Variants in FRYL observed in about 807,000 individuals in gnomAD.
The protein encoded by FRYL is protein furry homolog-like.
FRYL carries 150 observed loss-of-function variants against 351.2 expected under a neutral mutation model. The observed-to-expected ratio is 0.43, with a 90% confidence interval of 0.37 to 0.49. FRYL has a LOEUF of 0.49. FRYL is among the 20% of genes least tolerant of loss of function. The probability of loss-of-function intolerance (pLI) is 0.00; values close to 1 mark genes in which losing one functional copy is unlikely to be tolerated. For missense variants in FRYL, 3,036 were observed against 3,619.3 expected (o/e 0.84, Z 4.13); for synonymous variants, 1,153 against 1,257.1 (o/e 0.92, Z 1.75).
At chr4:48,528,370 A>G (rs767727318) in intron 50 of FRYL, 34 bp from the exon 51 acceptor site, 18 of 1,554,756 alleles carry the variant, frequency 1.2e-5, no homozygotes, top group Admixed American at 1.9e-5. Context: ...GTTTGGCTCA[A>G]ATATTTCAAC....
rs771790978 is a variant in FRYL at position 48,512,627 on chromosome 4, A to G, written c.7999T>C (p.Phe2667Leu). 6.2e-7 allele frequency: 1 copy of G among 1,614,078 alleles called. No homozygotes were observed. Among genetic ancestry groups the G allele is most frequent in the Non-Finnish European group, 8.5e-7 (1 of 1,179,956 alleles). ...EVQTSPLPSP[F>L]LSAIIAAFQP... is the part of the protein sequence containing the mutation. ...AAGGCGGCTATGATGGCAGAAAGAA[A>G]TGGTGACGGCAGAGGCGACGTCTGT... The change falls in exon 57 of 64, where the codon TTT becomes CTT. Residue 2667 changes from phenylalanine (F) to leucine (L), a missense_variant. Phe to Leu is a conservative substitution (Grantham distance 22, BLOSUM62 0). This residue lies in a region of FRYL where 1,987 missense variants were observed against 2,311.7 expected (regional missense o/e 0.86). Transcript: ENST00000358350.
intron 1 of FRYL, among the ~76,000 whole-genome samples, chr4:48,713,276 CATTTAA>C (rs1272826972): frequency 1.3e-5 from 2 of 151,050 alleles, no homozygotes; most frequent in Non-Finnish European, 3.0e-5. Flanking sequence ...TAATAAAGTC[CATTTAA>C]ATGTAAATGG....
chr4:48,509,424 G>A (rs1722015560), intron 59 of FRYL, among the ~76,000 whole-genome samples: 1 of 152,082 alleles, frequency 6.6e-6, no homozygotes, highest in Non-Finnish European at 1.5e-5. Context: ...ATTTTTCATA[G>A]GTCTATACAT....
chr4:48,527,065 AGTATAT>A (rs1304405868), intron 53 of FRYL, among the ~76,000 whole-genome samples: 1 of 152,186 alleles, frequency 6.6e-6, no homozygotes, highest in Non-Finnish European at 1.5e-5. Context: ...GTATATGAGT[AGTATAT>A]GTATATGTAC....
intron 23 of FRYL, among the ~76,000 whole-genome samples, chr4:48,577,763 C>A (rs1739941637): frequency 6.6e-6 from 1 of 151,822 alleles, no homozygotes; most frequent in Non-Finnish European, 1.5e-5. Flanking sequence ...ATAATCCCAG[C>A]ACTTTGGGAG....
At chr4:48,719,456 AGAT>A (rs1769223842) in intron 1 of FRYL, among the ~76,000 whole-genome samples, 1 of 151,810 alleles carries the variant, frequency 6.6e-6, no homozygotes, top group East Asian at 1.9e-4. Context: ...TGCTATATAA[AGAT>A]GACAAACCAT....
rs1465922150 is a variant in FRYL at position 48,562,661 on chromosome 4, A to C, written c.3696+228T>G. 2.6e-5 allele frequency among the ~76,000 whole-genome samples: 4 copies of C among 152,178 alleles called. No homozygotes were observed. The East Asian group carries it at 7.7e-4, about 29-fold the overall frequency. On this transcript the variant is annotated intron_variant, in intron 32 of 63. Transcript: ENST00000358350. ...ATACACATACACACACATTATCATA[A>C]ATAATCCTTCTACAATACACTTAGG...
At chr4:48,727,021 C>A (rs181837831) in intron 1 of FRYL, among the ~76,000 whole-genome samples, 7 of 151,932 alleles carry the variant, frequency 4.6e-5, no homozygotes, top group Admixed American at 1.3e-4. Flanking sequence ...GAAAAACATA[C>A]AACTATGACA....
intron 56 of FRYL, among the ~76,000 whole-genome samples, chr4:48,514,406 T>C (rs1723122422): frequency 6.6e-6 from 1 of 152,146 alleles, no homozygotes; most frequent in Admixed American, 6.5e-5. Context: ...GCCACCAAAA[T>C]TTCCCCTAAA....
chr4:48,610,678 T>TTATATATTATATACATATATTATATACA (rs1406221862), intron 7 of FRYL, among the ~76,000 whole-genome samples: 15 of 146,086 alleles, frequency 1.0e-4, no homozygotes, highest in Non-Finnish European at 2.1e-4. Context: ...ATATATTATA[T>TTATATATTATATACATATATTATATACA]TATATATTAT....
intron 15 of FRYL, 25 bp from the exon 16 acceptor site, chr4:48,594,041 A>G: frequency 1.7e-6 from 2 of 1,187,746 alleles, no homozygotes; most frequent in South Asian, 1.6e-5. Context: ...AATCCTTATA[A>G]CTTGCTACTA....
rs769823362 is a variant in FRYL, at chr4:48,543,227, T to C, written c.5592+580A>G. Among the ~76,000 whole-genome samples, 3 of 152,220 alleles carry C rather than the reference T, an allele frequency of 2.0e-5. No homozygotes were observed. In the East Asian group the frequency reaches 5.8e-4, roughly 29 times the overall value. ...TCACCTTCTCAGATGGATTATCATA[T>C]GTAAAACAATTCCTTCTCCTTTAAT... On this transcript the variant is annotated intron_variant, in intron 44 of 63. Coordinates refer to ENST00000358350, the MANE Select transcript of FRYL (RefSeq NM_015030.2).
chr4:48,777,304 C>T (rs1353470418), intron 1 of FRYL, among the ~76,000 whole-genome samples: 3 of 152,244 alleles, frequency 2.0e-5, no homozygotes, highest in Admixed American at 6.5e-5. Context: ...TCTAGATTGA[C>T]ATATCTTCCC....
At chr4:48,756,554 C>T (rs1433177635) in intron 1 of FRYL, among the ~76,000 whole-genome samples, 1 of 152,192 alleles carries the variant, frequency 6.6e-6, no homozygotes, top group African/African-American at 2.4e-5. Flanking sequence ...AGTGACCCCT[C>T]TCATACTATT....
At chr4:48,568,725 T>A (rs2149095599) in intron 27 of FRYL, among the ~76,000 whole-genome samples, 1 of 152,310 alleles carries the variant, frequency 6.6e-6, no homozygotes, top group Admixed American at 6.5e-5. Context: ...TGACCTTTAT[T>A]CCTTAAATAA....
chr4:48,506,055 G>A (rs934308797), intron 59 of FRYL: 1 of 154,138 alleles, frequency 6.5e-6, no homozygotes, highest in Non-Finnish European at 1.4e-5. Flanking sequence ...ATTCTCAGAA[G>A]ACTAGTGTCA....
chr4:48,576,130 G>A lies in FRYL; in HGVS notation c.2621C>T (p.Ala874Val), dbSNP rs1298463229. 1 of 1,613,912 alleles carries A rather than the reference G, an allele frequency of 6.2e-7. No individual in the cohort carries two copies. The highest frequency in any genetic ancestry group is 8.5e-7 in the Non-Finnish European group (1 of 1,179,954). The change falls in exon 24 of 64, where the codon GCA becomes GTA. Residue 874 changes from alanine (A) to valine (V), a missense_variant. Physicochemically the swap from Ala to Val is moderately conservative, Grantham distance 64 (BLOSUM62 0). Coordinates refer to ENST00000358350, the MANE Select transcript of FRYL (RefSeq NM_015030.2). ...AGATGTGGAAGATGACGATGTTGCT[G>A]CACTGCAGCAAAGGATCAGATAGTT... ...WRNYLILCCS[A>V]ATSSSSTSAG...
At chr4:48,738,000 A>C (rs896585004) in intron 1 of FRYL, among the ~76,000 whole-genome samples, 3 of 152,224 alleles carry the variant, frequency 2.0e-5, no homozygotes, top group African/African-American at 7.2e-5. Context: ...TGTTAACCTC[A>C]TTCTTCATGG....
chr4:48,657,713 T>A (rs1759538762), intron 3 of FRYL, among the ~76,000 whole-genome samples: 1 of 152,164 alleles, frequency 6.6e-6, no homozygotes, highest in Admixed American at 6.5e-5. Context: ...ATTATACTCC[T>A]CCCCAACTTT....
Sources: allele counts gnomAD v4.1 joint callset (sites outside exome capture counted in the v4.1 genomes callset), GRCh38; gene constraint gnomAD v4.1.1; regional missense constraint gnomAD v4.1.1; transcripts MANE v1.5; gene names NCBI Gene and HGNC (gene_info 2026-07-23, HGNC 2026-07-21).